FBXW11: variants seen among roughly 807,000 people sequenced by gnomAD.
FBXW11 encodes F-box and WD repeat domain containing 11.
In FBXW11, 19 loss-of-function variants were observed where a neutral mutation model predicts 77.6. The ratio of observed to expected loss-of-function variants is 0.24; its 90% confidence interval spans 0.17 to 0.36. The LOEUF is 0.36. Ranked by LOEUF, FBXW11 falls within the 10% of genes least tolerant of loss-of-function variation. The pLI is 1.00. For missense variants in FBXW11, 334 were observed against 704.2 expected, an observed-to-expected ratio of 0.47 and a Z score of 5.95; for synonymous variants, 235 against 249.4, an observed-to-expected ratio of 0.94 and a Z score of 0.54.
rs1759930059 is a variant in FBXW11 at position 171,898,939 on chromosome 5, A to G, written c.714+65T>C. 2.8e-6 allele frequency: 3 copies of G among 1,066,036 alleles called. No homozygotes were observed. In the African/African-American group the frequency reaches 4.8e-5, roughly 17 times the overall value. The allele number at this position is 1,066,036 out of a possible 1,614,324, so 66.0% of individuals were successfully genotyped here. A position where few individuals can be genotyped will look rare whatever the true frequency, so the allele number is the denominator to read the frequency against. On this transcript the variant is annotated intron_variant, in intron 6 of 13. Transcript: ENST00000517395. ...GATTTTAGACCAAAAGAACACTCTA[A>G]GGCAACATAAAAAGTTGAGAACAAG...
chr5:171,861,888 G>T lies in FBXW11; in HGVS notation c.*2239C>A, dbSNP rs901557766. On this transcript the variant is annotated 3_prime_UTR_variant, in exon 14 of 14. Transcript: ENST00000517395. ...ATTAATATAGCAGTAATTTACATTT[G>T]CTCAGTTATGGTTAGCAAAATAAAG... 1 of 152,542 alleles carries T rather than the reference G, an allele frequency of 6.6e-6. No individual in the cohort carries two copies. The highest frequency in any genetic ancestry group is 2.4e-5 in the African/African-American group (1 of 41,400). The allele number at this position is 152,542 out of a possible 1,614,324, so 9.4% of individuals were successfully genotyped here.
chr5:171,917,674 C>T (rs1284307100), intron 2 of FBXW11, among the ~76,000 whole-genome samples: 1 of 151,680 alleles, frequency 6.6e-6, no homozygotes, highest in African/African-American at 2.4e-5. Flanking sequence ...CCAGGCAATG[C>T]AAAAGATGTC....
At chr5:171,929,919 C>A (rs1762082840) in intron 2 of FBXW11, among the ~76,000 whole-genome samples, 1 of 151,984 alleles carries the variant, frequency 6.6e-6, no homozygotes, top group South Asian at 2.1e-4. Context: ...TCACAGGACA[C>A]AAAGACTGAC....
In FBXW11 at chr5:171,893,437, A is replaced by AAAAAAAAAAC. The variant is rs1554096956; in HGVS notation, c.715-1834_715-1833insGTTTTTTTTT. Among the ~76,000 whole-genome samples the AAAAAAAAAAC allele has an allele frequency of 1.5e-4, 22 of 146,892 alleles. 4 individuals carry two copies. The highest frequency in any genetic ancestry group is 3.0e-4 in the Non-Finnish European group (20 of 66,038). On this transcript the variant is annotated intron_variant, in intron 6 of 13. Transcript: ENST00000517395. ...CTTCAAAACCAAAAAAAAAAAAAAAAAAAAAAAAAACTAACCCAACCATCT... is the reference window on the plus strand; with the variant it reads ...CTTCAAAACCAAAAAAAAAAAAAAAAAAAAAAAAACAAAAAAAAAACTAACCCAACCATCT...
intron 2 of FBXW11, among the ~76,000 whole-genome samples, chr5:171,916,229 A>T (rs1402892033): frequency 6.9e-6 from 1 of 144,368 alleles, no homozygotes; most frequent in Non-Finnish European, 1.5e-5. Context: ...CCTAGAACTT[A>T]AAGTATAATT....
intron 1 of FBXW11, among the ~76,000 whole-genome samples, chr5:171,979,518 T>C (rs1487066937): frequency 6.6e-6 from 1 of 152,198 alleles, no homozygotes; most frequent in Non-Finnish European, 1.5e-5. Context: ...CTATAATAAA[T>C]GTGAATTGCT....
intron 2 of FBXW11, among the ~76,000 whole-genome samples, chr5:171,917,165 C>T (rs899206250): frequency 6.6e-6 from 1 of 152,180 alleles, no homozygotes; most frequent in Admixed American, 6.5e-5. Flanking sequence ...GTGATCTGCC[C>T]GCCTCAGCCT....
chr5:171,868,193 G>C (rs1407095975), intron 13 of FBXW11: 1 of 151,958 alleles, frequency 6.6e-6, no homozygotes, highest in Non-Finnish European at 1.5e-5. Context: ...TAGTGGGGAA[G>C]AGAGGGATTT....
chr5:171,957,489 C>G (rs1231935566), intron 2 of FBXW11, 108 bp downstream of exon 2: 1 of 1,062,818 alleles, frequency 9.4e-7, no homozygotes, highest in Non-Finnish European at 1.4e-6. Flanking sequence ...GAGGGTTACA[C>G]AGAACATTTA....
intron 5 of FBXW11, among the ~76,000 whole-genome samples, chr5:171,899,567 T>G (rs1481466383): frequency 6.6e-6 from 1 of 152,154 alleles, no homozygotes; most frequent in Non-Finnish European, 1.5e-5. Flanking sequence ...CCAGCAGTAA[T>G]AACAAACAGC....
chr5:171,951,695 T>C (rs781638116), intron 2 of FBXW11, among the ~76,000 whole-genome samples: 28 of 152,188 alleles, frequency 1.8e-4, no homozygotes, highest in Non-Finnish European at 3.7e-4. Flanking sequence ...TTCACCATGT[T>C]GGTGACCTCA....
At chr5:171,982,752 T>C (rs1765216775) in intron 1 of FBXW11, among the ~76,000 whole-genome samples, 1 of 152,142 alleles carries the variant, frequency 6.6e-6, no homozygotes, top group African/African-American at 2.4e-5. Context: ...TTTGTTATAA[T>C]GTTAGGTAAG....
chr5:171,956,330 T>C (rs903193670), intron 2 of FBXW11, among the ~76,000 whole-genome samples: 10 of 152,154 alleles, frequency 6.6e-5, no homozygotes, highest in Non-Finnish European at 1.5e-5. Context: ...AAAGTAAACA[T>C]ATATTCATTA....
rs553777925 is a variant in FBXW11 at position 171,949,266 on chromosome 5, A to G, written c.147+8331T>C. On this transcript the variant is annotated intron_variant, in intron 2 of 13. Coordinates refer to ENST00000517395, the MANE Select transcript of FBXW11 (RefSeq NM_001378974.1). Reference sequence around the variant, plus strand: ...TTGAAGAAGGCTTCGGTGACTTCACATCATTGGACACAAGGAAGTGAAACA... The same window carrying G: ...TTGAAGAAGGCTTCGGTGACTTCACGTCATTGGACACAAGGAAGTGAAACA... Among the ~76,000 whole-genome samples, 3 of 152,380 alleles carry G rather than the reference A, an allele frequency of 2.0e-5. No individual in the cohort carries two copies. The South Asian group carries it at 6.2e-4, about 32-fold the overall frequency.
chr5:171,944,403 A>C (rs985448024), intron 2 of FBXW11, among the ~76,000 whole-genome samples: 7 of 151,670 alleles, frequency 4.6e-5, no homozygotes, highest in African/African-American at 1.7e-4. Context: ...GTGAAACCCC[A>C]TCTCTACTAA....
intron 1 of FBXW11, among the ~76,000 whole-genome samples, chr5:171,982,315 G>T (rs1368941017): frequency 6.6e-6 from 1 of 151,872 alleles, no homozygotes; most frequent in Non-Finnish European, 1.5e-5. Context: ...TGTTGCCCAG[G>T]CTAGCATGCA....
At chr5:171,942,061 A>G (rs1266180422) in intron 2 of FBXW11, among the ~76,000 whole-genome samples, 1 of 151,664 alleles carries the variant, frequency 6.6e-6, no homozygotes, top group African/African-American at 2.4e-5. Context: ...AGCTTATAGA[A>G]AAGTTATTAG....
intron 1 of FBXW11, among the ~76,000 whole-genome samples, chr5:171,962,453 A>C (rs1408445490): frequency 6.6e-6 from 1 of 152,222 alleles, no homozygotes. Context: ...TGATATTAAC[A>C]GCTAATACCT....
intron 6 of FBXW11, among the ~76,000 whole-genome samples, chr5:171,894,498 G>A (rs954657814): frequency 1.3e-5 from 2 of 152,114 alleles, no homozygotes; most frequent in South Asian, 2.1e-4. Context: ...GAAAAGCCAC[G>A]AAAGAGACAC....
Sources: allele counts gnomAD v4.1 joint callset (sites outside exome capture counted in the v4.1 genomes callset), GRCh38; gene constraint gnomAD v4.1.1; transcripts MANE v1.5; gene names NCBI Gene and HGNC (gene_info 2026-07-23, HGNC 2026-07-21).